SLC44A2: variants seen among roughly 807,000 people sequenced by gnomAD.
The protein encoded by SLC44A2 is choline transporter-like protein 2.
In SLC44A2, 57 loss-of-function variants were observed where a neutral mutation model predicts 90.8. The observed-to-expected ratio is 0.63, with a 90% CI of 0.51 to 0.78. SLC44A2 has a LOEUF of 0.78. SLC44A2 is among the 30% of genes least tolerant of loss of function. The pLI is 0.00. For synonymous variants in SLC44A2, 355 were observed against 360.7 expected (o/e 0.98, Z 0.18); for missense variants, 794 against 919.7 (o/e 0.86, Z 1.77).
chr19:10,635,736 C>A, intron 14 of SLC44A2: 3 of 467,948 alleles, frequency 6.4e-6, no homozygotes, highest in Non-Finnish European at 1.1e-5. Context: ...ACCAGGCCTT[C>A]ACCCTGGGTG....
At chr19:10,609,388 C>T (rs372170210) in intron 1 of SLC44A2, among the ~76,000 whole-genome samples, 58 of 152,110 alleles carry the variant, frequency 3.8e-4, no homozygotes, top group African/African-American at 1.3e-3. Context: ...CAACCTCCGC[C>T]TCCTGGGTTC....
chr19:10,616,855 ACCT>A (rs766602463), intron 1 of SLC44A2, among the ~76,000 whole-genome samples: 2 of 151,926 alleles, frequency 1.3e-5, no homozygotes, highest in East Asian at 1.9e-4. Flanking sequence ...TCATCCTCCC[ACCT>A]CAGTCTCCCT....
At chr19:10,605,373 G>T (rs1918072784) in intron 1 of SLC44A2, among the ~76,000 whole-genome samples, 1 of 151,970 alleles carries the variant, frequency 6.6e-6, no homozygotes, top group Non-Finnish European at 1.5e-5. Flanking sequence ...AATTAGCCAG[G>T]CATGGTGGTG....
chr19:10,607,739 T>C (rs897351192), intron 1 of SLC44A2, among the ~76,000 whole-genome samples: 1 of 131,646 alleles, frequency 7.6e-6, no homozygotes, highest in African/African-American at 2.6e-5. Context: ...TCATTTATTA[T>C]TATTATTATT....
rs188705216 is a variant in SLC44A2 at position 10,631,891 on chromosome 19, C to T, written c.650C>T (p.Ala217Val). The T allele has an allele frequency of 6.8e-6, 11 of 1,614,238 alleles. No individual in the cohort carries two copies. The highest frequency in any genetic ancestry group is 1.6e-4 in the Middle Eastern group (1 of 6,062). The change falls in exon 9 of 22, where the codon GCG (alanine) becomes GTG (valine). Residue 217 changes from alanine to valine, a missense_variant. Ala to Val is a moderately conservative substitution (Grantham distance 64, BLOSUM62 0). Around this residue, in one of 3 missense-constraint regions of SLC44A2, gnomAD observed 738 missense variants for 841.1 expected, o/e 0.88. Coordinates refer to ENST00000335757, the MANE Select transcript of SLC44A2 (RefSeq NM_020428.4). ...AGGAAAGCCAATGGAGTCCTAGAGG[C>T]GCGGCAACTCGCCATGCGCATATTT... ...GAKKANGVLEARQLAMRIFED... is the reference protein window; with the variant it reads ...GAKKANGVLEVRQLAMRIFED...
At chr19:10,628,086 G>C in intron 4 of SLC44A2, 82 bp downstream of exon 4, 3 of 1,287,526 alleles carry the variant, frequency 2.3e-6, no homozygotes, top group Non-Finnish European at 3.3e-6. Context: ...TCTAAGTCCA[G>C]TTAACAAGTG....
At chr19:10,631,171 C>T in intron 5 of SLC44A2, 30 bp downstream of exon 5, 1 of 1,608,912 alleles carries the variant, frequency 6.2e-7, no homozygotes, top group Non-Finnish European at 8.5e-7. Context: ...TCCCTTTTTC[C>T]TCTCCCCGCT....
upstream of SLC44A2, among the ~76,000 whole-genome samples, chr19:10,624,276 GT>G (rs2066912986): frequency 6.6e-6 from 1 of 151,364 alleles, no homozygotes; most frequent in Non-Finnish European, 1.5e-5. Flanking sequence ...GATTATAGGT[GT>G]TAGCCACCAC....
chr19:10,607,173 A>G (rs926856973), intron 1 of SLC44A2, among the ~76,000 whole-genome samples: 1 of 152,020 alleles, frequency 6.6e-6, no homozygotes, highest in African/African-American at 2.4e-5. Context: ...TTGGCCTCCC[A>G]AAGTGCTGAG....
chr19:10,621,950 T>TG (rs920991337), upstream of SLC44A2, among the ~76,000 whole-genome samples: 1 of 152,078 alleles, frequency 6.6e-6, no homozygotes, highest in African/African-American at 2.4e-5. Context: ...TTAGTAGAGA[T>TG]GGGGTTTCAC....
intron 2 of SLC44A2, among the ~76,000 whole-genome samples, chr19:10,627,410 G>A (rs2066945348): frequency 6.6e-6 from 1 of 151,830 alleles, no homozygotes; most frequent in Non-Finnish European, 1.5e-5. Flanking sequence ...GTGTGGTGGT[G>A]TGCACCTGTA....
chr19:10,611,021 T>A (rs538750129), intron 1 of SLC44A2, among the ~76,000 whole-genome samples: 45 of 151,772 alleles, frequency 3.0e-4, no homozygotes, highest in African/African-American at 8.2e-4. Flanking sequence ...TAAAAAAAAA[T>A]TTTTTTTGAG....
intron 1 of SLC44A2, among the ~76,000 whole-genome samples, chr19:10,603,444 T>C (rs910457397): frequency 2.0e-5 from 3 of 152,154 alleles, no homozygotes; most frequent in Admixed American, 6.5e-5. Flanking sequence ...CCCCTCTTTG[T>C]GTGACAAGAA....
chr19:10,609,295 T>C (rs562145673), intron 1 of SLC44A2, among the ~76,000 whole-genome samples: 3 of 151,404 alleles, frequency 2.0e-5, no homozygotes, highest in Non-Finnish European at 4.4e-5. Context: ...TGGTTTGTTT[T>C]TGTTGCTTTT....
chr19:10,642,963 A>C (rs774226262), intron 21 of SLC44A2: 1 of 1,591,542 alleles, frequency 6.3e-7, no homozygotes, highest in African/African-American at 1.3e-5. Context: ...GAGCTGAGAG[A>C]CATCCTGTTG....
chr19:10,602,577 G>C (rs1041627490), intron 1 of SLC44A2: 28 of 1,267,710 alleles, frequency 2.2e-5, no homozygotes, highest in Admixed American at 4.2e-5. Flanking sequence ...AGCCGCCTCC[G>C]GTCAGGGGCC....
chr19:10,603,647 C>T (rs1182760002), intron 1 of SLC44A2, among the ~76,000 whole-genome samples: 2 of 152,320 alleles, frequency 1.3e-5, no homozygotes, highest in South Asian at 2.1e-4. Flanking sequence ...GGGGAGGCAG[C>T]AGGACCTGGC....
chr19:10,604,040 C>T (rs1358837885), intron 1 of SLC44A2, among the ~76,000 whole-genome samples: 1 of 152,160 alleles, frequency 6.6e-6, no homozygotes, highest in Admixed American at 6.6e-5. Context: ...CTTTGCTGGG[C>T]TTAAGGGAGT....
intron 1 of SLC44A2, among the ~76,000 whole-genome samples, chr19:10,618,788 G>C (rs1027974666): frequency 3.1e-4 from 47 of 151,794 alleles, no homozygotes; most frequent in South Asian, 2.5e-3. Context: ...TGCCCAGGCT[G>C]GTCTCAAACT....
Sources: allele counts gnomAD v4.1 joint callset (sites outside exome capture counted in the v4.1 genomes callset), GRCh38; gene constraint gnomAD v4.1.1; regional missense constraint gnomAD v4.1.1; transcripts MANE v1.5; gene names NCBI Gene and HGNC (gene_info 2026-07-23, HGNC 2026-07-21).